Variants in ZNF469 observed in about 807,000 individuals in gnomAD.
ZNF469 encodes zinc finger protein 469.
Under a neutral mutation model 1.0 loss-of-function variants are expected in ZNF469, and 1 was observed. The observed-to-expected ratio is 1.00, with a 90% CI of 0.35 to 4.73. The LOEUF (loss-of-function observed/expected upper bound fraction) is 4.73, where lower values mean the gene tolerates loss of function less well. ZNF469 is among the 30% of genes most tolerant of loss of function. The pLI is 0.16. For missense variants in ZNF469, 6,100 were observed against 5,356.3 expected (o/e 1.14, Z -4.33); for synonymous variants, 2,703 against 2,363.4 (o/e 1.14, Z -4.17).
chr16:88,144,935 C>A, the ZNF469 span, among the ~76,000 whole-genome samples: 3 of 151,108 alleles, frequency 2.0e-5, no homozygotes, highest in Admixed American at 6.6e-5. Context: ...CTGCAACCTC[C>A]GCCTTCCGGG....
At chr16:88,323,818 C>T in the ZNF469 span, among the ~76,000 whole-genome samples, 62 of 152,350 alleles carry the variant, frequency 4.1e-4, no homozygotes, top group African/African-American at 1.4e-3. Flanking sequence ...TCTCCCACTC[C>T]GTGCCCCCAT....
chr16:88,193,344 A>G, the ZNF469 span, among the ~76,000 whole-genome samples: 1 of 150,742 alleles, frequency 6.6e-6, no homozygotes, highest in Non-Finnish European at 1.5e-5. Flanking sequence ...TGGTGATGAT[A>G]AGGATGATGA....
At chr16:88,338,758 C>G in the ZNF469 span, among the ~76,000 whole-genome samples, 397 of 152,166 alleles carry the variant, frequency 2.6e-3, 2 homozygotes, top group African/African-American at 9.0e-3. Flanking sequence ...AGGGCAGGGC[C>G]ACAGCAGAGA....
At chr16:88,238,590 G>A in the ZNF469 span, among the ~76,000 whole-genome samples, 1 of 152,240 alleles carries the variant, frequency 6.6e-6, no homozygotes. Context: ...CTCTGGGTTG[G>A]AGACTGGGGT....
At chr16:88,105,778 A>G in the ZNF469 span, among the ~76,000 whole-genome samples, 1 of 152,216 alleles carries the variant, frequency 6.6e-6, no homozygotes, top group Admixed American at 6.5e-5. Context: ...GTCTGCCATG[A>G]CTGGGTAGGG....
At chr16:88,320,368 C>G in the ZNF469 span, among the ~76,000 whole-genome samples, 6 of 152,222 alleles carry the variant, frequency 3.9e-5, no homozygotes, top group East Asian at 1.2e-3. Context: ...AAAGGCTGAC[C>G]ACGAGATTCT....
chr16:88,301,673 G>C, the ZNF469 span, among the ~76,000 whole-genome samples: 2 of 152,240 alleles, frequency 1.3e-5, no homozygotes, highest in African/African-American at 4.8e-5. Context: ...GAGTGGTCAT[G>C]AGATGCCGTC....
chr16:88,148,419 G>T, the ZNF469 span, among the ~76,000 whole-genome samples: 4 of 152,300 alleles, frequency 2.6e-5, no homozygotes, highest in South Asian at 8.3e-4. Context: ...CCCTGGCGCG[G>T]TGCCTCCCAC....
In ZNF469 at chr16:88,434,364, G is replaced by T; in HGVS notation, c.6894G>T (p.Gln2298His). 6.5e-7 allele frequency: 1 copy of T among 1,550,108 alleles called. No homozygotes were observed. Among genetic ancestry groups the T allele is most frequent in the East Asian group, 2.4e-5 (1 of 40,922 alleles). ...GCACTCCCACCGGAGATGAGGCACAGGCAGGCAGGGGACTCCCAGGGCCAG... is the reference window on the plus strand; with the variant it reads ...GCACTCCCACCGGAGATGAGGCACATGCAGGCAGGGGACTCCCAGGGCCAG... ...LSSTPTGDEAQAGRGLPGPDP... is the reference protein window; with the variant it reads ...LSSTPTGDEAHAGRGLPGPDP... The change falls in exon 3 of 3, where the codon CAG becomes CAT. Residue 2298 changes from glutamine to histidine, a missense_variant. Coordinates refer to ENST00000565624, the MANE Select transcript of ZNF469 (RefSeq NM_001367624.2).
the ZNF469 span, among the ~76,000 whole-genome samples, chr16:88,163,175 C>CAGAG: frequency 4.0e-5 from 1 of 25,190 alleles, no homozygotes; most frequent in African/African-American, 2.0e-4. Flanking sequence ...GATGGGTAGA[C>CAGAG]GGATGGATGG....
At chr16:88,298,316 G>A in the ZNF469 span, among the ~76,000 whole-genome samples, 2 of 152,186 alleles carry the variant, frequency 1.3e-5, no homozygotes, top group Admixed American at 6.5e-5. Context: ...CGTGTTTGCT[G>A]GGGGCTCCTT....
Position 88,396,404 on chromosome 16 carries a change from C to T in ZNF469, c.-192+13150C>T, listed in dbSNP as rs1197881023. Among the ~76,000 whole-genome samples the T allele has an allele frequency of 2.0e-5, 3 of 151,796 alleles. 1 individual carries two copies. The South Asian group carries it at 6.2e-4, about 32-fold the overall frequency. ...GGCAGAGACCCATCTGAAGGGAGGC[C>T]AGGAGGAGACCCTCCTGAAGGGAGG... is the stretch of plus-strand genomic sequence containing the variant. On this transcript the variant is annotated intron_variant, in intron 1 of 2. Transcript: ENST00000565624.
the ZNF469 span, among the ~76,000 whole-genome samples, chr16:88,310,567 T>A: frequency 1.1e-3 from 174 of 151,718 alleles, no homozygotes; most frequent in South Asian, 5.4e-3. Flanking sequence ...CATTTTATTT[T>A]TTTTTTTTTA....
chr16:88,227,250 C>T, the ZNF469 span, among the ~76,000 whole-genome samples: 117 of 152,294 alleles, frequency 7.7e-4, 2 homozygotes, highest in Non-Finnish European at 2.9e-4. Flanking sequence ...TAGTCTTGTT[C>T]CCACTGTCTC....
the ZNF469 span, among the ~76,000 whole-genome samples, chr16:88,239,644 C>T: frequency 3.7e-5 from 4 of 107,546 alleles, no homozygotes; most frequent in African/African-American, 4.2e-5. Context: ...CCTGCCACCA[C>T]GCCCGGCTTA....
the ZNF469 span, among the ~76,000 whole-genome samples, chr16:88,344,969 T>C: frequency 0.95 from 144,629 of 152,322 alleles, 68,925 homozygotes; most frequent in Non-Finnish European, 0.98. Context: ...CAATGTTGTA[T>C]ATCCATCACA....
chr16:88,131,955 C>T, the ZNF469 span, among the ~76,000 whole-genome samples: 6 of 152,244 alleles, frequency 3.9e-5, no homozygotes, highest in Non-Finnish European at 4.4e-5. Flanking sequence ...GGCTCCTGCC[C>T]GGCCCGCGCA....
chr16:88,408,332 A>C (rs1432798747), intron 1 of ZNF469, among the ~76,000 whole-genome samples: 1 of 152,182 alleles, frequency 6.6e-6, no homozygotes, highest in Non-Finnish European at 1.5e-5. Flanking sequence ...TTGTATTTTT[A>C]GTAGAGACGG....
At chr16:88,247,582 G>T in the ZNF469 span, among the ~76,000 whole-genome samples, 1 of 148,522 alleles carries the variant, frequency 6.7e-6, no homozygotes, top group Non-Finnish European at 1.5e-5. Context: ...CTGAGTGAGT[G>T]AATGACTGAG....
Sources: allele counts gnomAD v4.1 joint callset (sites outside exome capture counted in the v4.1 genomes callset), GRCh38; gene constraint gnomAD v4.1.1; transcripts MANE v1.5; gene names NCBI Gene and HGNC (gene_info 2026-07-23, HGNC 2026-07-21).